Variants in KIF13B observed in about 807,000 individuals in gnomAD.
KIF13B encodes the protein kinesin family member 13B, also known as kinesin-like protein KIF13B.
In KIF13B, 127 loss-of-function variants were observed where a neutral mutation model predicts 222.0. That is an observed-to-expected ratio of 0.57 (90% confidence interval 0.50 to 0.66). The LOEUF (loss-of-function observed/expected upper bound fraction) is 0.66. Ranked by LOEUF, KIF13B falls within the 30% of genes least tolerant of loss-of-function variation. The pLI, the probability that KIF13B is intolerant of heterozygous loss-of-function variation, is 0.00. For synonymous variants in KIF13B, 976 were observed against 919.0 expected (o/e 1.06, Z -1.12); for missense variants, 2,173 against 2,379.0 (o/e 0.91, Z 1.80).
chr8:29,116,711 A>G, intron 31 of KIF13B, 120 bp downstream of exon 31: 1 of 872,068 alleles, frequency 1.1e-6, no homozygotes, highest in Non-Finnish European at 1.7e-6. Context: ...AGTCACCTGG[A>G]AAAGAAAAGC....
intron 21 of KIF13B, among the ~76,000 whole-genome samples, chr8:29,138,305 A>G (rs1365485835): frequency 6.6e-6 from 1 of 152,190 alleles, no homozygotes; most frequent in Non-Finnish European, 1.5e-5. Context: ...ACTGTACTCC[A>G]GCCTGGGTGA....
At chr8:29,099,460 T>C (rs1354637525) in intron 35 of KIF13B, among the ~76,000 whole-genome samples, 1 of 152,120 alleles carries the variant, frequency 6.6e-6, no homozygotes, top group Non-Finnish European at 1.5e-5. Flanking sequence ...ATGTAACCTC[T>C]AACTCTTAGA....
intron 34 of KIF13B, among the ~76,000 whole-genome samples, chr8:29,109,002 C>T (rs146073105): frequency 2.7e-3 from 415 of 152,272 alleles, no homozygotes; most frequent in African/African-American, 9.6e-3. Context: ...ATGAAACAAC[C>T]CCATGTATCT....
chr8:29,151,837 T>C (rs1811311102), intron 14 of KIF13B, among the ~76,000 whole-genome samples: 1 of 152,228 alleles, frequency 6.6e-6, no homozygotes, highest in Admixed American at 6.5e-5. Context: ...TCAAGAATTT[T>C]CACTTTCAAG....
chr8:29,173,078 C>T (rs1420691009), intron 10 of KIF13B, among the ~76,000 whole-genome samples: 1 of 152,026 alleles, frequency 6.6e-6, no homozygotes, highest in African/African-American at 2.4e-5. Flanking sequence ...CCACACCCAG[C>T]TAATTTTGTT....
intron 33 of KIF13B, 140 bp from the exon 34 acceptor site, chr8:29,109,651 G>C: frequency 1.3e-6 from 1 of 773,350 alleles, no homozygotes; most frequent in Non-Finnish European, 2.2e-6. Context: ...TGATTATTAC[G>C]TACTGCATGC....
At chr8:29,098,949 AGCAAT>A (rs1438785879) in intron 36 of KIF13B, among the ~76,000 whole-genome samples, 179 bp downstream of exon 36, 2 of 152,242 alleles carry the variant, frequency 1.3e-5, no homozygotes, top group Non-Finnish European at 1.5e-5. Flanking sequence ...TATATATCAG[AGCAAT>A]GCAAGATCAA....
intron 26 of KIF13B, among the ~76,000 whole-genome samples, chr8:29,125,402 G>T (rs562244589): frequency 4.6e-5 from 7 of 152,320 alleles, no homozygotes; most frequent in Non-Finnish European, 7.4e-5. Context: ...CTATGACATT[G>T]TTGTGGACAA....
At chr8:29,143,435 T>C (rs1460251556) in intron 18 of KIF13B, among the ~76,000 whole-genome samples, 1 of 152,268 alleles carries the variant, frequency 6.6e-6, no homozygotes, top group Non-Finnish European at 1.5e-5. Context: ...CAATTAATGA[T>C]ACCAGTTTCC....
chr8:29,076,434 C>T (rs377094553), intron 37 of KIF13B, among the ~76,000 whole-genome samples: 1 of 152,246 alleles, frequency 6.6e-6, no homozygotes, highest in Non-Finnish European at 1.5e-5. Flanking sequence ...TCTCCCAGCC[C>T]TCGGCAGTCC....
intron 6 of KIF13B, among the ~76,000 whole-genome samples, chr8:29,185,986 A>T (rs145440929): frequency 1.3e-5 from 2 of 152,262 alleles, no homozygotes; most frequent in Non-Finnish European, 2.9e-5. Flanking sequence ...TGTTCCTGAG[A>T]ATCTTTAAAA....
Position 29,105,664 on chromosome 8 carries a change from T to TG in KIF13B, c.4215+2474_4215+2475insC, listed in dbSNP as rs1239573010. Among the ~76,000 whole-genome samples the TG allele has an allele frequency of 6.1e-5, 8 of 131,492 alleles. No homozygotes were observed. The East Asian group carries it at 1.5e-3, about 24-fold the overall frequency. 86.3% of individuals were successfully genotyped at this position (131,492 alleles called of 152,430 possible). The stretch of plus-strand genomic sequence containing the variant: ...GAGTTTGTTTGGTTTTTTTTTTTTT[T>TG]TTTTTTTTTTTTGAGACAGAGTCTC... On this transcript the variant is annotated intron_variant, in intron 35 of 39. Coordinates refer to ENST00000524189, the MANE Select transcript of KIF13B (RefSeq NM_015254.4).
intron 2 of KIF13B, among the ~76,000 whole-genome samples, chr8:29,199,574 C>CAAAAAA (rs10579222): frequency 3.3e-5 from 4 of 119,434 alleles, no homozygotes; most frequent in African/African-American, 6.4e-5. Context: ...TTCCAAAATC[C>CAAAAAA]AAAAAAAAAA....
At chr8:29,161,881 T>C (rs1372440938) in intron 12 of KIF13B, among the ~76,000 whole-genome samples, 1 of 152,112 alleles carries the variant, frequency 6.6e-6, no homozygotes, top group Non-Finnish European at 1.5e-5. Context: ...GATCCTATCT[T>C]ATATACTGTT....
At chr8:29,250,047 C>T (rs1477846464) in intron 1 of KIF13B, 9 of 1,288,980 alleles carry the variant, frequency 7.0e-6, no homozygotes, top group Non-Finnish European at 8.1e-6. Flanking sequence ...TTAATGGAAT[C>T]TGACCATATT....
intron 1 of KIF13B, among the ~76,000 whole-genome samples, chr8:29,248,573 C>T (rs1253828954): frequency 6.6e-6 from 1 of 152,112 alleles, no homozygotes; most frequent in Admixed American, 6.6e-5. Context: ...CAGCAGATCT[C>T]GTGAGACTTA....
intron 6 of KIF13B, among the ~76,000 whole-genome samples, chr8:29,184,004 T>C (rs1213571801): frequency 6.6e-6 from 1 of 152,106 alleles, no homozygotes; most frequent in Admixed American, 6.5e-5. Flanking sequence ...AAATCTAAAA[T>C]CTATAGTACC....
chr8:29,192,775 G>A (rs1445430450), intron 3 of KIF13B, among the ~76,000 whole-genome samples: 1 of 152,120 alleles, frequency 6.6e-6, no homozygotes, highest in South Asian at 2.1e-4. Flanking sequence ...AACTCAAAAC[G>A]ACAGGCGATG....
At chr8:29,217,372 G>T (rs1282910462) in intron 2 of KIF13B, among the ~76,000 whole-genome samples, 1 of 152,236 alleles carries the variant, frequency 6.6e-6, no homozygotes, top group African/African-American at 2.4e-5. Context: ...TTGCCTGGTT[G>T]TGAATCCCAG....
Sources: allele counts gnomAD v4.1 joint callset (sites outside exome capture counted in the v4.1 genomes callset), GRCh38; gene constraint gnomAD v4.1.1; transcripts MANE v1.5; gene names NCBI Gene and HGNC (gene_info 2026-07-23, HGNC 2026-07-21).